DCC: variants seen among roughly 807,000 people sequenced by gnomAD.
The protein encoded by DCC is DCC netrin 1 receptor, also known as netrin receptor DCC.
In DCC, 58 loss-of-function variants were observed where a neutral mutation model predicts 172.5. The observed-to-expected ratio is 0.34, with a 90% CI of 0.27 to 0.42. The LOEUF is 0.42. DCC is among the 10% of genes least tolerant of loss of function. The pLI, the probability that DCC is intolerant of heterozygous loss-of-function variation, is 1.00. For synonymous variants in DCC, 709 were observed against 644.5 expected, an observed-to-expected ratio of 1.10 and a Z score of -1.52; for missense variants, 1,740 against 1,791.0, an observed-to-expected ratio of 0.97 and a Z score of 0.51.
intron 15 of DCC, among the ~76,000 whole-genome samples, chr18:53,366,938 G>A (rs1247212878): frequency 2.0e-5 from 3 of 152,174 alleles, no homozygotes; most frequent in African/African-American, 7.2e-5. Flanking sequence ...GGGGATAACA[G>A]TGTCACATGA....
chr18:52,693,014 G>T (rs192132013), intron 1 of DCC, among the ~76,000 whole-genome samples: 6 of 152,172 alleles, frequency 3.9e-5, no homozygotes, highest in Admixed American at 3.9e-4. Context: ...CCTTGTTCAC[G>T]TGACTTTCCC....
chr18:52,763,276 A>G (rs1171114264), intron 2 of DCC, among the ~76,000 whole-genome samples: 2 of 152,252 alleles, frequency 1.3e-5, no homozygotes, highest in Non-Finnish European at 2.9e-5. Flanking sequence ...TAAAGCCTAT[A>G]TAGCTTCAAC....
intron 7 of DCC, among the ~76,000 whole-genome samples, chr18:53,111,331 A>G (rs2144255167): frequency 6.6e-6 from 1 of 151,238 alleles, no homozygotes; most frequent in Admixed American, 6.6e-5. Flanking sequence ...GCACACCAAC[A>G]TGGCACATGT....
At chr18:53,177,048 C>A (rs12397576) in intron 8 of DCC, among the ~76,000 whole-genome samples, 11 of 151,548 alleles carry the variant, frequency 7.3e-5, no homozygotes, top group East Asian at 1.9e-4. Flanking sequence ...ATGAAATTGG[C>A]AATCATCATT....
intron 12 of DCC, among the ~76,000 whole-genome samples, chr18:53,265,891 C>T (rs16956451): frequency 0.049 from 7,441 of 152,208 alleles, 642 homozygotes; most frequent in African/African-American, 0.17. Flanking sequence ...TCAAGGTTCC[C>T]GTTTTAAATG....
At chr18:53,291,100 G>A (rs1233766341) in intron 12 of DCC, among the ~76,000 whole-genome samples, 3 of 152,084 alleles carry the variant, frequency 2.0e-5, no homozygotes, top group Admixed American at 6.5e-5. Context: ...CCCAGGAGGC[G>A]GACGTTGCAG....
intron 1 of DCC, among the ~76,000 whole-genome samples, chr18:52,631,758 C>T: frequency 6.6e-6 from 1 of 152,184 alleles, no homozygotes; most frequent in East Asian, 1.9e-4. Context: ...ATTTGCTGAT[C>T]TTCTCACCTC....
chr18:52,400,907 C>A (rs1210387341), intron 1 of DCC, among the ~76,000 whole-genome samples: 1 of 151,398 alleles, frequency 6.6e-6, no homozygotes, highest in Non-Finnish European at 1.5e-5. Context: ...AACACATGGA[C>A]ATAGGGAGGG....
intron 2 of DCC, among the ~76,000 whole-genome samples, chr18:52,830,090 A>G (rs890522681): frequency 1.3e-5 from 2 of 152,154 alleles, no homozygotes; most frequent in Non-Finnish European, 2.9e-5. Context: ...CTGAGAAATA[A>G]CAAATAGACC....
intron 1 of DCC, among the ~76,000 whole-genome samples, chr18:52,572,369 C>T (rs2033319880): frequency 6.6e-6 from 1 of 152,048 alleles, no homozygotes; most frequent in Non-Finnish European, 1.5e-5. Context: ...TTTTAAACTA[C>T]TCTGTTTTTC....
At chr18:52,745,262 A>G (rs1038807951) in intron 1 of DCC, among the ~76,000 whole-genome samples, 2 of 152,246 alleles carry the variant, frequency 1.3e-5, no homozygotes, top group African/African-American at 2.4e-5. Flanking sequence ...TAATCAACCC[A>G]AATTACACAA....
At chr18:53,141,074 T>A (rs1341807306) in intron 7 of DCC, among the ~76,000 whole-genome samples, 1 of 152,172 alleles carries the variant, frequency 6.6e-6, no homozygotes, top group Admixed American at 6.5e-5. Flanking sequence ...AGTCAAATGT[T>A]TATAAAGCAT....
intron 2 of DCC, among the ~76,000 whole-genome samples, chr18:52,770,406 G>T (rs975734949): frequency 6.6e-6 from 1 of 152,180 alleles, no homozygotes; most frequent in Non-Finnish European, 1.5e-5. Flanking sequence ...AGGTATCACT[G>T]CTAACTACTA....
At chr18:53,321,819 C>T (rs911190587) in intron 13 of DCC, among the ~76,000 whole-genome samples, 1 of 152,068 alleles carries the variant, frequency 6.6e-6, no homozygotes, top group African/African-American at 2.4e-5. Context: ...TTTACATGGA[C>T]ACATTTTTAT....
At chr18:53,099,131 C>G (rs1021497343) in intron 7 of DCC, among the ~76,000 whole-genome samples, 3 of 151,986 alleles carry the variant, frequency 2.0e-5, no homozygotes, top group African/African-American at 7.3e-5. Flanking sequence ...TGTTTCTTGC[C>G]TAAATCAGTT....
chr18:53,021,676 G>T (rs1055094713), intron 5 of DCC, among the ~76,000 whole-genome samples: 21 of 152,256 alleles, frequency 1.4e-4, no homozygotes, highest in African/African-American at 4.3e-4. Context: ...ACTTAATTTT[G>T]AAGTTCAATT....
At chr18:53,134,971 C>T (rs1365563129) in intron 7 of DCC, among the ~76,000 whole-genome samples, 1 of 152,182 alleles carries the variant, frequency 6.6e-6, no homozygotes, top group Admixed American at 6.5e-5. Context: ...CCCTCTGGGA[C>T]ATTAGTACTA....
At chr18:53,425,357 CTT>C (rs747096336) in intron 21 of DCC, among the ~76,000 whole-genome samples, 25 of 101,644 alleles carry the variant, frequency 2.5e-4, no homozygotes, top group Admixed American at 5.8e-4. Context: ...TTTCTCCTCT[CTT>C]TTTTTTTTTT....
chr18:52,440,015 C>G (rs1195972257), intron 1 of DCC, among the ~76,000 whole-genome samples: 1 of 152,192 alleles, frequency 6.6e-6, no homozygotes, highest in African/African-American at 2.4e-5. Flanking sequence ...GTTTGCGGGT[C>G]AGGGCACGAG....
Sources: gnomAD v4.1 joint callset for allele counts (sites outside exome capture counted in the v4.1 genomes callset) on GRCh38, gnomAD v4.1.1 for gene constraint, MANE v1.5 for transcripts, NCBI Gene and HGNC (gene_info 2026-07-23, HGNC 2026-07-21) for gene names.